ANKRD44: variants seen among roughly 807,000 people sequenced by gnomAD.
ANKRD44 encodes ankyrin repeat domain 44, also known as serine/threonine-protein phosphatase 6 regulatory ankyrin repeat subunit B.
In ANKRD44, 35 loss-of-function variants were observed where a neutral mutation model predicts 116.0. The ratio of observed to expected loss-of-function variants is 0.30; its 90% CI spans 0.23 to 0.40. The LOEUF (loss-of-function observed/expected upper bound fraction) is 0.40, where lower values mean the gene tolerates loss of function less well. ANKRD44 is among the 10% of genes least tolerant of loss of function. The pLI, the probability that ANKRD44 is intolerant of heterozygous loss-of-function variation, is 1.00. For synonymous variants in ANKRD44, 435 were observed against 461.8 expected (o/e 0.94, Z 0.74); for missense variants, 1,014 against 1,242.6 (o/e 0.82, Z 2.77).
In ANKRD44 at chr2:197,187,097, C is replaced by T. The variant is rs1333163492; in HGVS notation, c.37G>A (p.Val13Ile). The change falls in exon 2 of 28, where the codon GTT (valine) becomes ATT (isoleucine). Residue 13 changes from valine (V) to isoleucine (I), a missense_variant. By Grantham distance (29) the Val-to-Ile change is conservative. Transcript: ENST00000282272. ...GGATCACCGCTGAAGATTGCCTGAA[C>T]CAATGGTGGCTGCAAACACAAGAGA... ...VLKLTDQPPLVQAIFSGDPEE... is the reference protein window; with the variant it reads ...VLKLTDQPPLIQAIFSGDPEE... 4.3e-6 allele frequency: 7 copies of T among 1,613,944 alleles called. No individual in the cohort carries two copies. Among genetic ancestry groups the T allele is most frequent in the South Asian group, 2.2e-5 (2 of 91,078 alleles).
intron 3 of ANKRD44, among the ~76,000 whole-genome samples, chr2:197,146,514 CATAT>C (rs1284612087): frequency 1.3e-5 from 2 of 151,608 alleles, no homozygotes; most frequent in Non-Finnish European, 2.9e-5. Flanking sequence ...TATATAATAG[CATAT>C]ATAGTGTATA....
chr2:197,232,850 A>C (rs1331533234), intron 1 of ANKRD44, among the ~76,000 whole-genome samples: 1 of 152,224 alleles, frequency 6.6e-6, no homozygotes, highest in Non-Finnish European at 1.5e-5. Context: ...CAAGCATACC[A>C]AGAAGAGATG....
intron 1 of ANKRD44, among the ~76,000 whole-genome samples, chr2:197,227,444 T>C (rs1396972035): frequency 6.6e-6 from 1 of 152,166 alleles, no homozygotes; most frequent in Admixed American, 6.5e-5. Flanking sequence ...TAAACATAAT[T>C]GACAAACTAG....
chr2:197,159,769 T>G (rs116799302), intron 2 of ANKRD44, among the ~76,000 whole-genome samples: 1 of 152,360 alleles, frequency 6.6e-6, no homozygotes, highest in African/African-American at 2.4e-5. Context: ...ATCAAGTATG[T>G]ATTATTGTCC....
chr2:197,206,030 G>A (rs1357597950), intron 1 of ANKRD44, among the ~76,000 whole-genome samples: 1 of 152,172 alleles, frequency 6.6e-6, no homozygotes, highest in African/African-American at 2.4e-5. Flanking sequence ...CAGGAAGCAA[G>A]TAAGACTGAA....
intron 16 of ANKRD44, among the ~76,000 whole-genome samples, chr2:197,060,638 C>T (rs1457604441): frequency 6.6e-6 from 1 of 152,198 alleles, no homozygotes; most frequent in African/African-American, 2.4e-5. Context: ...AGAACTTATT[C>T]ATTCTGCAAA....
chr2:197,222,366 G>A (rs1179298102), intron 1 of ANKRD44, among the ~76,000 whole-genome samples: 1 of 152,110 alleles, frequency 6.6e-6, no homozygotes, highest in Non-Finnish European at 1.5e-5. Context: ...AGTGTGTAAT[G>A]GGAACTAAAT....
At chr2:197,292,994 C>G (rs536801267) in intron 1 of ANKRD44, among the ~76,000 whole-genome samples, 1 of 152,242 alleles carries the variant, frequency 6.6e-6, no homozygotes, top group East Asian at 1.9e-4. Context: ...AAGCCATCAG[C>G]CACACATTCT....
chr2:197,049,349 T>C (rs1179439336), intron 16 of ANKRD44, among the ~76,000 whole-genome samples: 1 of 152,198 alleles, frequency 6.6e-6, no homozygotes, highest in Non-Finnish European at 1.5e-5. Context: ...TCATTAAAAA[T>C]TTGCCATCTT....
intron 1 of ANKRD44, among the ~76,000 whole-genome samples, chr2:197,308,278 C>T (rs899015739): frequency 3.9e-5 from 6 of 152,068 alleles, no homozygotes; most frequent in African/African-American, 9.7e-5. Flanking sequence ...TCCAAGCAGG[C>T]GGGCGGCTCC....
At chr2:197,118,637 G>GAAAGAAGGAAAGAAAGAA (rs1553512574) in intron 8 of ANKRD44, among the ~76,000 whole-genome samples, 7 of 112,358 alleles carry the variant, frequency 6.2e-5, no homozygotes, top group African/African-American at 2.3e-4. Flanking sequence ...GAGAGAGAGA[G>GAAAGAAGGAAAGAAAGAA]AGAAAGAAAG....
At position 197,289,927 on chromosome 2, in the gene ANKRD44, G is replaced by A. The variant is rs1244972548; in HGVS notation, c.27+20651C>T. Among the ~76,000 whole-genome samples, 6 of 150,716 alleles carry A rather than the reference G, an allele frequency of 4.0e-5. No homozygotes were observed. The East Asian group carries it at 5.8e-4, about 15-fold the overall frequency. ...TATCACCCAGGCTGAGTGCAGTGGC[G>A]TGATCTCGGCTCACTGCAACCTCCT... On this transcript the variant is annotated intron_variant, in intron 1 of 27. Coordinates refer to ENST00000282272, the MANE Select transcript of ANKRD44 (RefSeq NM_001195144.2).
chr2:196,993,062 G>A (rs898669266), intron 27 of ANKRD44, among the ~76,000 whole-genome samples: 1 of 152,042 alleles, frequency 6.6e-6, no homozygotes, highest in Non-Finnish European at 1.5e-5. Context: ...ACAGATCAGG[G>A]GAAGCTTCAA....
At chr2:197,172,982 T>G (rs1487362338) in intron 2 of ANKRD44, among the ~76,000 whole-genome samples, 1 of 152,216 alleles carries the variant, frequency 6.6e-6, no homozygotes, top group African/African-American at 2.4e-5. Context: ...AAATAGATAA[T>G]TTAGCTGTCT....
chr2:197,243,022 C>A (rs1309418828), intron 1 of ANKRD44, among the ~76,000 whole-genome samples: 1 of 152,184 alleles, frequency 6.6e-6, no homozygotes. Flanking sequence ...TGTTGCCCTG[C>A]CTAATTACAG....
At chr2:197,268,208 C>T (rs183379279) in intron 1 of ANKRD44, among the ~76,000 whole-genome samples, 1 of 152,204 alleles carries the variant, frequency 6.6e-6, no homozygotes, top group Non-Finnish European at 1.5e-5. Flanking sequence ...CCCTTCTATG[C>T]CCAGCTTCAG....
intron 1 of ANKRD44, among the ~76,000 whole-genome samples, chr2:197,204,894 A>T (rs1026770649): frequency 1.6e-4 from 25 of 152,374 alleles, no homozygotes; most frequent in African/African-American, 6.0e-4. Flanking sequence ...GCAGAACCCG[A>T]TCTAAAGGCT....
At chr2:197,233,577 A>C (rs911000162) in intron 1 of ANKRD44, among the ~76,000 whole-genome samples, 1 of 152,188 alleles carries the variant, frequency 6.6e-6, no homozygotes, top group African/African-American at 2.4e-5. Flanking sequence ...TGTTGTGTCC[A>C]GGCTCATATC....
chr2:196,997,421 T>TTA (rs914974593), intron 25 of ANKRD44, among the ~76,000 whole-genome samples: 111 of 147,998 alleles, frequency 7.5e-4, no homozygotes, highest in African/African-American at 2.5e-3. Flanking sequence ...AAAAGATAAA[T>TTA]TATATATATA....
Sources: gnomAD v4.1 joint callset for allele counts (sites outside exome capture counted in the v4.1 genomes callset) on GRCh38, gnomAD v4.1.1 for gene constraint, MANE v1.5 for transcripts, NCBI Gene and HGNC (gene_info 2026-07-23, HGNC 2026-07-21) for gene names.